AP3S2: variants seen among roughly 807,000 people sequenced by gnomAD.
AP3S2 encodes the protein adaptor related protein complex 3 subunit sigma 2.
Under a neutral mutation model 23.4 loss-of-function variants are expected in AP3S2, and 22 were observed. The observed-to-expected ratio is 0.94, with a 90% CI of 0.67 to 1.34. The LOEUF (loss-of-function observed/expected upper bound fraction) is 1.34, where lower values mean the gene tolerates loss of function less well. AP3S2 is among the 40% of genes most tolerant of loss of function. AP3S2 has a pLI of 0.00. For synonymous variants in AP3S2, 86 were observed against 87.1 expected (o/e 0.99, Z 0.07); for missense variants, 241 against 236.9 (o/e 1.02, Z -0.11).
At chr15:89,867,889 C>T (rs1431017646) in intron 4 of AP3S2, among the ~76,000 whole-genome samples, 9 of 128,608 alleles carry the variant, frequency 7.0e-5, no homozygotes, top group African/African-American at 2.5e-4. Flanking sequence ...GGAGCGGCTC[C>T]GCCCGGCAGC....
intron 4 of AP3S2, among the ~76,000 whole-genome samples, chr15:89,867,237 C>A (rs1896154323): frequency 6.7e-6 from 1 of 149,922 alleles, no homozygotes. Context: ...CGGTCTCCAG[C>A]CCCTAACCGC....
At chr15:89,884,991 T>C (rs934598897) in intron 3 of AP3S2, among the ~76,000 whole-genome samples, 1 of 152,188 alleles carries the variant, frequency 6.6e-6, no homozygotes, top group Non-Finnish European at 1.5e-5. Flanking sequence ...AACCAATTTA[T>C]TCCATAAAAT....
At chr15:89,884,749 C>T (rs917484768) in intron 3 of AP3S2, among the ~76,000 whole-genome samples, 2 of 151,610 alleles carry the variant, frequency 1.3e-5, no homozygotes, top group African/African-American at 2.4e-5. Flanking sequence ...CCAGCTCAAG[C>T]GATTCTTCTG....
At position 89,835,200 on chromosome 15, in the gene AP3S2, T is replaced by C. The variant is rs1895159202; in HGVS notation, c.*315A>G. 2 of 455,324 alleles carry C rather than the reference T, an allele frequency of 4.4e-6. No individual in the cohort carries two copies. Among genetic ancestry groups the C allele is most frequent in the Non-Finnish European group, 7.7e-6 (2 of 258,602 alleles). The allele number at this position is 455,324 out of a possible 1,614,324, so 28.2% of individuals were successfully genotyped here. On this transcript the variant is annotated 3_prime_UTR_variant, in exon 6 of 6. Coordinates refer to ENST00000336418, the MANE Select transcript of AP3S2 (RefSeq NM_005829.5). ...ATGCAGTCCCTAACCCTTGGGAGCA[T>C]CCATGTGAGAGGTAAAGGTGCAAAT...
intron 4 of AP3S2, chr15:89,848,638 A>G (rs1895557267): frequency 6.6e-6 from 1 of 151,846 alleles, no homozygotes; most frequent in African/African-American, 2.4e-5. Context: ...AGCTTTTTCT[A>G]CTCCTTCGTG....
At chr15:89,838,628 G>C (rs1483309077) in intron 4 of AP3S2, among the ~76,000 whole-genome samples, 2 of 152,166 alleles carry the variant, frequency 1.3e-5, no homozygotes, top group African/African-American at 4.8e-5. Context: ...GGCCCTCAAG[G>C]TGCTTTCGGT....
At chr15:89,890,435 T>A (rs1463389363) in intron 1 of AP3S2, among the ~76,000 whole-genome samples, 1 of 152,214 alleles carries the variant, frequency 6.6e-6, no homozygotes, top group African/African-American at 2.4e-5. Flanking sequence ...TAATTATACA[T>A]ATGAGTTTCA....
In AP3S2 at chr15:89,889,051, T is replaced by A. The variant is rs1199708360; in HGVS notation, c.159A>T (p.Gly53=). The A allele has an allele frequency of 6.2e-7, 1 of 1,614,166 alleles. No individual in the cohort carries two copies. The highest frequency in any genetic ancestry group is 1.1e-5 in the South Asian group (1 of 91,082). The change falls in exon 2 of 6, where the codon GGA becomes GGT. Residue 53 remains glycine, a splice_region_variant and synonymous_variant. Transcript: ENST00000336418. The part of the protein sequence containing the change: ...DDNICNFLEG[G]SLIGGSDYKL... ...GAAAAATGAAGCTGACAGTTTACCTTCCACCCTCCAAGAAGTTACAGATGT... is the reference window on the plus strand; with the variant it reads ...GAAAAATGAAGCTGACAGTTTACCTACCACCCTCCAAGAAGTTACAGATGT...
At chr15:89,872,743 A>C (rs1397489627) in intron 3 of AP3S2, among the ~76,000 whole-genome samples, 1 of 152,234 alleles carries the variant, frequency 6.6e-6, no homozygotes, top group African/African-American at 2.4e-5. Flanking sequence ...TGAGGAACCA[A>C]CGCACACTAT....
chr15:89,889,005 T>G (rs754866647), intron 2 of AP3S2, 44 bp downstream of exon 2: 1 of 1,612,080 alleles, frequency 6.2e-7, no homozygotes, highest in Non-Finnish European at 8.5e-7. Context: ...TGAAGGCCAC[T>G]CACAAGTGGA....
chr15:89,837,854 AC>A (rs1895234424), intron 4 of AP3S2, 132 bp from the exon 5 acceptor site: 28 of 1,002,190 alleles, frequency 2.8e-5, no homozygotes, highest in South Asian at 2.6e-4. Context: ...AGACACTCAA[AC>A]CCCCCTGCCC....
chr15:89,837,761 T>C lies in AP3S2; in HGVS notation c.346-39A>G, dbSNP rs375974136. The C allele has an allele frequency of 2.2e-5, 35 of 1,610,608 alleles. No homozygotes were observed. The South Asian group carries it at 2.4e-4, about 11-fold the overall frequency. On this transcript the variant is annotated intron_variant, in intron 4 of 5. Coordinates refer to ENST00000336418, the MANE Select transcript of AP3S2 (RefSeq NM_005829.5). Reference sequence around the variant, plus strand: ...AAAAATCAGGAGTCAGAATACTCTGTGGTGGTCAGAGTGTAACCCACGAGG... The same window carrying C: ...AAAAATCAGGAGTCAGAATACTCTGCGGTGGTCAGAGTGTAACCCACGAGG...
Position 89,835,326 on chromosome 15 carries a change from G to T in AP3S2, c.*189C>A. On this transcript the variant is annotated 3_prime_UTR_variant, in exon 6 of 6. Coordinates refer to ENST00000336418, the MANE Select transcript of AP3S2 (RefSeq NM_005829.5). The stretch of plus-strand genomic sequence containing the variant: ...GGCATGACTGCACATGTGAGAACTG[G>T]GTGCACCCGAGCAGTGTCAATAGGA... 1.0e-6 allele frequency: 1 copy of T among 952,762 alleles called. No homozygotes were observed. Among genetic ancestry groups the T allele is most frequent in the Non-Finnish European group, 1.5e-6 (1 of 656,674 alleles). The allele number at this position is 952,762 out of a possible 1,614,324, so 59.0% of individuals were successfully genotyped here. A position where few individuals can be genotyped will look rare whatever the true frequency, so the allele number is the denominator to read the frequency against.
Position 89,835,368 on chromosome 15 carries a change from A to C in AP3S2, c.*147T>G, listed in dbSNP as rs1168226526. 1 of 1,395,704 alleles carries C rather than the reference A, an allele frequency of 7.2e-7. No homozygotes were observed. The allele number at this position is 1,395,704 out of a possible 1,614,324, so 86.5% of individuals were successfully genotyped here. Reference sequence around the variant, plus strand: ...TCAATAGGAATCCCTTCCCTATTCCATGCCAAACAGTCTTCCCCAGACACA... The same window carrying C: ...TCAATAGGAATCCCTTCCCTATTCCCTGCCAAACAGTCTTCCCCAGACACA... On this transcript the variant is annotated 3_prime_UTR_variant, in exon 6 of 6. Coordinates refer to ENST00000336418, the MANE Select transcript of AP3S2 (RefSeq NM_005829.5).
At chr15:89,866,429 T>C (rs1896122100) in intron 4 of AP3S2, among the ~76,000 whole-genome samples, 1 of 151,694 alleles carries the variant, frequency 6.6e-6, no homozygotes, top group Admixed American at 6.6e-5. Flanking sequence ...AGGTGTGTAT[T>C]ATCCCACAGG....
intron 4 of AP3S2, chr15:89,852,507 G>A (rs1345116767): frequency 1.3e-5 from 2 of 152,156 alleles, no homozygotes; most frequent in Non-Finnish European, 2.9e-5. Context: ...AACTGTCAGA[G>A]AGTTTTTAAC....
intron 4 of AP3S2, among the ~76,000 whole-genome samples, chr15:89,864,901 C>A (rs761908371): frequency 6.6e-6 from 1 of 151,948 alleles, no homozygotes; most frequent in African/African-American, 2.4e-5. Context: ...AACAAAGGCC[C>A]TGAATAAACA....
chr15:89,879,384 A>C (rs1266178355), intron 3 of AP3S2, among the ~76,000 whole-genome samples: 1 of 152,232 alleles, frequency 6.6e-6, no homozygotes, highest in Non-Finnish European at 1.5e-5. Context: ...ATATGTGCAT[A>C]TAGATGCACG....
chr15:89,875,343 T>A (rs1159471765), intron 3 of AP3S2, among the ~76,000 whole-genome samples: 1 of 152,152 alleles, frequency 6.6e-6, no homozygotes, highest in Admixed American at 6.6e-5. Context: ...GAAAAAGACA[T>A]CCCCAGATAG....
Sources: gnomAD v4.1 joint callset for allele counts (sites outside exome capture counted in the v4.1 genomes callset) on GRCh38, gnomAD v4.1.1 for gene constraint, MANE v1.5 for transcripts, NCBI Gene and HGNC (gene_info 2026-07-23, HGNC 2026-07-21) for gene names.